GLT8D2: variants seen among roughly 807,000 people sequenced by gnomAD.
GLT8D2 encodes glycosyltransferase 8 domain-containing protein 2.
GLT8D2 carries 45 observed loss-of-function variants against 44.5 expected under a neutral mutation model. The observed-to-expected ratio is 1.01, with a 90% CI of 0.80 to 1.30. The LOEUF is 1.30. Among genes scored for constraint, GLT8D2 ranks in the 50% most tolerant of loss-of-function variants. The pLI is 0.00. For missense variants in GLT8D2, 400 were observed against 430.4 expected (o/e 0.93, Z 0.62); for synonymous variants, 156 against 157.2 (o/e 0.99, Z 0.06).
At chr12:104,057,523 A>AC (rs1882277964) in intron 1 of GLT8D2, among the ~76,000 whole-genome samples, 1 of 152,170 alleles carries the variant, frequency 6.6e-6, no homozygotes, top group African/African-American at 2.4e-5. Context: ...TCTCAAAAAA[A>AC]AAAAAGCAAA....
upstream of GLT8D2, among the ~76,000 whole-genome samples, chr12:104,053,141 T>G (rs1307850504): frequency 6.6e-6 from 1 of 152,218 alleles, no homozygotes; most frequent in Non-Finnish European, 1.5e-5. Flanking sequence ...CCAGGCATCA[T>G]GTGGACAGCA....
At chr12:104,018,381 C>T (rs1259825132) in intron 3 of GLT8D2, among the ~76,000 whole-genome samples, 1 of 152,120 alleles carries the variant, frequency 6.6e-6, no homozygotes, top group Non-Finnish European at 1.5e-5. Context: ...AAAGAGTCTT[C>T]GTGGATGCCC....
chr12:104,027,424 T>C (rs7132060), intron 1 of GLT8D2, among the ~76,000 whole-genome samples: 5,644 of 152,324 alleles, frequency 0.037, 184 homozygotes, highest in South Asian at 0.084. Context: ...AGAAGGAAGC[T>C]GAGCTCTAAG....
intron 3 of GLT8D2, among the ~76,000 whole-genome samples, chr12:104,018,151 T>C (rs1877129693): frequency 6.6e-6 from 1 of 152,002 alleles, no homozygotes; most frequent in Non-Finnish European, 1.5e-5. Flanking sequence ...TTGTATTTTT[T>C]AGTAGAAACG....
At chr12:104,038,993 C>T (rs1392784877) in intron 1 of GLT8D2, among the ~76,000 whole-genome samples, 1 of 152,042 alleles carries the variant, frequency 6.6e-6, no homozygotes, top group African/African-American at 2.4e-5. Flanking sequence ...TATCACCACA[C>T]ATCTACAATA....
chr12:104,001,597 G>A (rs1258498243), intron 5 of GLT8D2, among the ~76,000 whole-genome samples: 1 of 152,120 alleles, frequency 6.6e-6, no homozygotes, highest in Admixed American at 6.6e-5. Context: ...TCACTGAAGT[G>A]ACATATATGT....
intron 4 of GLT8D2, among the ~76,000 whole-genome samples, chr12:104,004,889 T>A (rs1874765674): frequency 6.6e-6 from 1 of 152,106 alleles, no homozygotes; most frequent in Non-Finnish European, 1.5e-5. Flanking sequence ...TACTTTAAAG[T>A]TCATATGGAA....
intron 1 of GLT8D2, among the ~76,000 whole-genome samples, chr12:104,034,914 G>T (rs1181830764): frequency 1.3e-5 from 2 of 152,220 alleles, no homozygotes; most frequent in Non-Finnish European, 2.9e-5. Context: ...CATCATACAG[G>T]TGGGTGCCCC....
In GLT8D2 at chr12:104,014,973, T is replaced by G. The variant is rs1876361449; in HGVS notation, c.112+40A>C. The stretch of plus-strand genomic sequence containing the variant: ...CTAGAGGAACATATTCAAACCACAT[T>G]CCTGGGTATCCCAACTCAATGAATT... On this transcript the variant is annotated intron_variant, in intron 4 of 10. Coordinates refer to ENST00000360814, the MANE Select transcript of GLT8D2 (RefSeq NM_001384711.1). 4 of 1,423,630 alleles carry G rather than the reference T, an allele frequency of 2.8e-6. No individual in the cohort carries two copies. The South Asian group carries it at 3.5e-5, about 12-fold the overall frequency. The allele number at this position is 1,423,630 out of a possible 1,614,324, so 88.2% of individuals were successfully genotyped here. A position where few individuals can be genotyped will look rare whatever the true frequency, so the allele number is the denominator to read the frequency against.
At position 104,000,048 on chromosome 12, in the gene GLT8D2, T is replaced by C. The variant is rs941687827; in HGVS notation, c.285-534A>G. Among the ~76,000 whole-genome samples, 3 of 152,288 alleles carry C rather than the reference T, an allele frequency of 2.0e-5. No individual in the cohort carries two copies. In the East Asian group the frequency reaches 5.8e-4, roughly 29 times the overall value. On this transcript the variant is annotated intron_variant, in intron 5 of 10. Transcript: ENST00000360814. ...CTTCTCTTCCCCCTCCCTCTCCCCTTCTGTTTTCTTGGTCTTGCAGAATTT... is the reference window on the plus strand; with the variant it reads ...CTTCTCTTCCCCCTCCCTCTCCCCTCCTGTTTTCTTGGTCTTGCAGAATTT...
chr12:104,016,878 GA>G (rs1566199953), intron 3 of GLT8D2, among the ~76,000 whole-genome samples: 1 of 141,752 alleles, frequency 7.1e-6, no homozygotes, highest in African/African-American at 2.7e-5. Flanking sequence ...AAGAAAGAAA[GA>G]AAGAAAAATA....
At chr12:104,043,806 TTGG>T (rs1193677481) in intron 1 of GLT8D2, among the ~76,000 whole-genome samples, 2 of 152,236 alleles carry the variant, frequency 1.3e-5, no homozygotes, top group Non-Finnish European at 2.9e-5. Context: ...AAAAATCAGC[TTGG>T]TGTTTCCTTA....
chr12:103,995,454 C>T (rs1448693036), intron 8 of GLT8D2, among the ~76,000 whole-genome samples: 1 of 152,216 alleles, frequency 6.6e-6, no homozygotes, highest in Non-Finnish European at 1.5e-5. Flanking sequence ...CTCTAACCAT[C>T]TGCACAGGTG....
upstream of GLT8D2, among the ~76,000 whole-genome samples, chr12:104,052,540 C>T (rs940111843): frequency 4.6e-5 from 7 of 152,144 alleles, no homozygotes; most frequent in African/African-American, 1.7e-4. Flanking sequence ...CTAGGATCTG[C>T]GGCTGCAACA....
At chr12:104,016,704 GGAGAGAGAAAGAA>G (rs1566199335) in intron 3 of GLT8D2, among the ~76,000 whole-genome samples, 1 of 73,528 alleles carries the variant, frequency 1.4e-5, no homozygotes, top group Non-Finnish European at 2.8e-5. Flanking sequence ...AGAAAGAAAG[GGAGAGAGAAAGAA>G]AGAAAGAAAG....
At chr12:104,063,618 A>G (rs1163232861) in intron 1 of GLT8D2, among the ~76,000 whole-genome samples, 2 of 152,232 alleles carry the variant, frequency 1.3e-5, no homozygotes, top group African/African-American at 2.4e-5. Context: ...TATGACTGCT[A>G]TCAGAGGCAG....
chr12:103,999,344 G>T, intron 6 of GLT8D2, 53 bp downstream of exon 6: 1 of 1,000,416 alleles, frequency 1.0e-6, no homozygotes, highest in South Asian at 1.3e-5. Flanking sequence ...CTCCTTTACT[G>T]AACAAAGGTC....
At chr12:103,991,634 G>C (rs182537600) in intron 10 of GLT8D2, among the ~76,000 whole-genome samples, 6 of 152,066 alleles carry the variant, frequency 3.9e-5, no homozygotes, top group Admixed American at 3.9e-4. Context: ...ACATGGAAAG[G>C]TTGATATTTG....
chr12:103,999,370 C>A (rs1212518347), intron 6 of GLT8D2, 27 bp downstream of exon 6: 1 of 1,289,474 alleles, frequency 7.8e-7, no homozygotes, highest in Admixed American at 1.7e-5. Context: ...AAGGACTGTC[C>A]CCAGCACCTG....
Sources: allele counts gnomAD v4.1 joint callset (sites outside exome capture counted in the v4.1 genomes callset), GRCh38; gene constraint gnomAD v4.1.1; transcripts MANE v1.5; gene names NCBI Gene and HGNC (gene_info 2026-07-23, HGNC 2026-07-21).